Variants in GLCE observed in about 807,000 individuals in gnomAD.
GLCE encodes the protein glucuronic acid epimerase, also known as D-glucuronyl C5-epimerase.
Under a neutral mutation model 47.9 loss-of-function variants are expected in GLCE, and 19 were observed. The observed-to-expected ratio is 0.40, with a 90% CI of 0.28 to 0.58. GLCE has a LOEUF of 0.58. Ranked by LOEUF, GLCE falls within the 20% of genes least tolerant of loss-of-function variation. The pLI is 0.48. For synonymous variants in GLCE, 245 were observed against 263.4 expected (o/e 0.93, Z 0.68); for missense variants, 556 against 743.3 (o/e 0.75, Z 2.93).
At chr15:69,167,899 T>C (rs1050028037) in intron 1 of GLCE, among the ~76,000 whole-genome samples, 3 of 151,448 alleles carry the variant, frequency 2.0e-5, no homozygotes, top group Non-Finnish European at 4.4e-5. Flanking sequence ...CACTCCTCAC[T>C]GTTTCATGAG....
chr15:69,173,504 T>C (rs2051617167), intron 1 of GLCE, among the ~76,000 whole-genome samples: 1 of 152,172 alleles, frequency 6.6e-6, no homozygotes, highest in South Asian at 2.1e-4. Flanking sequence ...GAATGAAAGT[T>C]AGAGGAAGGA....
At chr15:69,214,372 T>C (rs1444899290) in intron 2 of GLCE, among the ~76,000 whole-genome samples, 1 of 152,114 alleles carries the variant, frequency 6.6e-6, no homozygotes, top group Non-Finnish European at 1.5e-5. Flanking sequence ...CATGCATTTC[T>C]TATAATAGTG....
intron 2 of GLCE, 63 bp from the exon 3 acceptor site, chr15:69,255,731 C>A: frequency 5.1e-5 from 44 of 859,832 alleles, no homozygotes; most frequent in South Asian, 7.9e-5. Context: ...GCAAAGAAAA[C>A]TTTATCCTAT....
chr15:69,199,386 A>G (rs1359609603), intron 1 of GLCE, among the ~76,000 whole-genome samples: 1 of 152,208 alleles, frequency 6.6e-6, no homozygotes, highest in Admixed American at 6.5e-5. Flanking sequence ...ATAAGGATAT[A>G]TAAAAATCTG....
At chr15:69,186,870 A>T (rs565708055) in intron 1 of GLCE, among the ~76,000 whole-genome samples, 4 of 151,956 alleles carry the variant, frequency 2.6e-5, no homozygotes, top group Admixed American at 1.3e-4. Context: ...TCTCATATAC[A>T]CTTTTTTTTT....
intron 1 of GLCE, among the ~76,000 whole-genome samples, chr15:69,191,868 GT>G (rs368404610): frequency 6.6e-6 from 1 of 151,966 alleles, no homozygotes; most frequent in Non-Finnish European, 1.5e-5. Context: ...AGGTTGCCTT[GT>G]TTTTTTCCTT....
intron 2 of GLCE, among the ~76,000 whole-genome samples, chr15:69,233,686 AG>A (rs76783368): frequency 0.12 from 18,638 of 152,196 alleles, 1,210 homozygotes; most frequent in East Asian, 0.16. Context: ...TTTATAACCC[AG>A]GTACCCTATT....
At chr15:69,236,977 T>A (rs942571612) in intron 2 of GLCE, among the ~76,000 whole-genome samples, 43 of 152,194 alleles carry the variant, frequency 2.8e-4, no homozygotes, top group African/African-American at 9.6e-4. Context: ...TCTCTTGACC[T>A]GCCATTCTGT....
At chr15:69,168,392 C>T (rs909325199) in intron 1 of GLCE, among the ~76,000 whole-genome samples, 6 of 152,166 alleles carry the variant, frequency 3.9e-5, no homozygotes, top group African/African-American at 1.4e-4. Flanking sequence ...AAAGTAGGTG[C>T]TCAAATTTTT....
intron 1 of GLCE, among the ~76,000 whole-genome samples, chr15:69,207,799 C>T (rs554907438): frequency 2.0e-4 from 31 of 151,980 alleles, no homozygotes; most frequent in Non-Finnish European, 4.3e-4. Context: ...TAAATGTATA[C>T]TTAGCTCTGT....
intron 1 of GLCE, among the ~76,000 whole-genome samples, chr15:69,199,224 G>A (rs1444475902): frequency 6.6e-6 from 1 of 152,098 alleles, no homozygotes; most frequent in Non-Finnish European, 1.5e-5. Flanking sequence ...CAGGAGCTAA[G>A]CAAAACCAGG....
At chr15:69,231,912 C>T (rs543801555) in intron 2 of GLCE, among the ~76,000 whole-genome samples, 83 of 152,222 alleles carry the variant, frequency 5.5e-4, no homozygotes, top group Middle Eastern at 3.4e-3. Flanking sequence ...CCTGCCTGAG[C>T]CTCCCAAGCA....
intron 1 of GLCE, among the ~76,000 whole-genome samples, chr15:69,203,079 C>T (rs2052098705): frequency 6.6e-6 from 1 of 152,048 alleles, no homozygotes; most frequent in Non-Finnish European, 1.5e-5. Context: ...ATAGGTGGTT[C>T]AATCTTTAAA....
intron 2 of GLCE, among the ~76,000 whole-genome samples, chr15:69,252,383 G>A (rs922014346): frequency 1.9e-4 from 29 of 152,344 alleles, no homozygotes; most frequent in African/African-American, 7.0e-4. Flanking sequence ...CAAAGCTGGA[G>A]CAAGCAGGTC....
At chr15:69,255,707 TA>T (rs574573281) in intron 2 of GLCE, 86 bp from the exon 3 acceptor site, 106,841 of 595,020 alleles carry the variant, frequency 0.18, no homozygotes, top group East Asian at 0.22. Flanking sequence ...TGTTCAACAT[TA>T]AAAAAAAAAA....
At chr15:69,198,258 T>G (rs2052026283) in intron 1 of GLCE, among the ~76,000 whole-genome samples, 1 of 152,206 alleles carries the variant, frequency 6.6e-6, no homozygotes, top group African/African-American at 2.4e-5. Flanking sequence ...ACTCAACTAT[T>G]GGTTCTTTGA....
At chr15:69,229,692 T>A (rs1483014838) in intron 2 of GLCE, among the ~76,000 whole-genome samples, 1 of 151,746 alleles carries the variant, frequency 6.6e-6, no homozygotes, top group Non-Finnish European at 1.5e-5. Context: ...TTATGAAAAT[T>A]ACTTACCCAA....
intron 1 of GLCE, among the ~76,000 whole-genome samples, chr15:69,168,737 G>A (rs1350799681): frequency 6.6e-6 from 1 of 152,030 alleles, no homozygotes; most frequent in Non-Finnish European, 1.5e-5. Context: ...TCTCCATGTT[G>A]GTCAGGCTGG....
At chr15:69,247,267 C>T (rs2052765338) in intron 2 of GLCE, among the ~76,000 whole-genome samples, 1 of 152,238 alleles carries the variant, frequency 6.6e-6, no homozygotes, top group Admixed American at 6.5e-5. Flanking sequence ...CTTGCTGTAG[C>T]TTCTACATCA....
Sources: allele counts gnomAD v4.1 joint callset (sites outside exome capture counted in the v4.1 genomes callset), GRCh38; gene constraint gnomAD v4.1.1; transcripts MANE v1.5; gene names NCBI Gene and HGNC (gene_info 2026-07-23, HGNC 2026-07-21).